Variants in NOL8 observed in about 807,000 individuals in gnomAD.
NOL8 encodes the protein nucleolar protein 8, also known as nucleolar protein Nop132.
NOL8 carries 93 observed loss-of-function variants against 116.1 expected under a neutral mutation model. The ratio of observed to expected loss-of-function variants is 0.80; its 90% CI spans 0.68 to 0.95. The LOEUF (loss-of-function observed/expected upper bound fraction) is 0.95, where lower values mean the gene tolerates loss of function less well. Among genes scored for constraint, NOL8 ranks in the 40% least tolerant of loss-of-function variants. The probability of loss-of-function intolerance (pLI) is 0.00; values close to 1 mark genes in which losing one functional copy is unlikely to be tolerated. For synonymous variants in NOL8, 419 were observed against 469.0 expected (o/e 0.89, Z 1.38); for missense variants, 1,291 against 1,382.8 (o/e 0.93, Z 1.05).
intron 3 of NOL8, 61 bp from the exon 4 acceptor site, chr9:92,321,807 T>G: frequency 1.2e-6 from 1 of 851,136 alleles, no homozygotes; most frequent in Non-Finnish European, 1.8e-6. Flanking sequence ...CAGCTTGTGC[T>G]TTTTCTAATT....
In NOL8 at chr9:92,311,188, T is replaced by C. The variant is rs750774882; in HGVS notation, c.2430A>G (p.Thr810=). The change falls in exon 8 of 17, where the codon ACA becomes ACG. Residue 810 remains threonine, a synonymous_variant. Transcript: ENST00000442668. ...CTGGATGGCTCTGCTCCTGAGTCGA[T>C]GTCTCCTCTGTTTCACATTCACTGT... ...GSDSECETEE[T]STQEQSHPGE... The C allele has an allele frequency of 1.9e-6, 3 of 1,613,780 alleles. No homozygotes were observed. Among genetic ancestry groups the C allele is most frequent in the East Asian group, 4.5e-5 (2 of 44,884 alleles).
chr9:92,297,969 C>A, intron 16 of NOL8, 83 bp from the exon 17 acceptor site: 1 of 1,191,322 alleles, frequency 8.4e-7, no homozygotes, highest in South Asian at 1.4e-5. Flanking sequence ...AGGTTATTCT[C>A]ACTGTCAGGG....
Position 92,306,902 on chromosome 9 carries a change from C to T in NOL8, c.2809G>A (p.Ala937Thr). 6.2e-7 allele frequency: 1 copy of T among 1,612,604 alleles called. No individual in the cohort carries two copies. The highest frequency in any genetic ancestry group is 1.1e-5 in the South Asian group (1 of 90,752). ...LSNSTNRGSVAAKKFKDIIHY... is the reference protein window; with the variant it reads ...LSNSTNRGSVTAKKFKDIIHY... ...AAAACATACTTAAATTTCTTAGCAG[C>T]TACTGATCCTCTGTTTGTAGAATTG... The change falls in exon 11 of 17, where the codon GCT becomes ACT. Residue 937 changes from alanine (A) to threonine (T), a missense_variant. Physicochemically the swap from Ala to Thr is moderately conservative, Grantham distance 58. Transcript: ENST00000442668.
At chr9:92,302,645 C>T (rs1292660209) in intron 12 of NOL8, among the ~76,000 whole-genome samples, 4 of 152,150 alleles carry the variant, frequency 2.6e-5, no homozygotes, top group Non-Finnish European at 5.9e-5. Context: ...ATCATTTAAC[C>T]ACCATGTGGT....
chr9:92,310,146 G>A (rs748434589), intron 10 of NOL8, 25 bp downstream of exon 10: 5 of 1,529,360 alleles, frequency 3.3e-6, no homozygotes, highest in Non-Finnish European at 4.5e-6. Flanking sequence ...TATGACATCA[G>A]GACTCTGGAC....
At position 92,315,844 on chromosome 9, in the gene NOL8, A is replaced by C. The variant is rs1412000460; in HGVS notation, c.781T>G (p.Ser261Ala). ...QQAAQKRTCD[S>A]ITPSKSSPVP... ...GGAGATGATTTAGAAGGAGTAATGG[A>C]ATCACAAGTTCTTTTTTGTGCAGCC... is the stretch of plus-strand genomic sequence containing the variant. Residue 261 changes from serine to alanine, a missense_variant, in exon 7 of 17, where the codon TCC becomes GCC. Transcript: ENST00000442668. The C allele has an allele frequency of 3.1e-6, 5 of 1,613,810 alleles. No homozygotes were observed. The highest frequency in any genetic ancestry group is 4.2e-6 in the Non-Finnish European group (5 of 1,179,862).
rs1340522401 is a variant in NOL8, at chr9:92,306,789, C to T, written c.2825+97G>A. On this transcript the variant is annotated intron_variant, in intron 11 of 16. Transcript: ENST00000442668. ...TCTGATACATATTGCCAGCTGCCTC[C>T]CCAGGCCATTAAAAGAGACCTAGTT... 9.3e-6 allele frequency: 11 copies of T among 1,183,372 alleles called. No individual in the cohort carries two copies. In the East Asian group the frequency reaches 2.6e-4, roughly 28 times the overall value. 73.3% of individuals were successfully genotyped at this position (1,183,372 alleles called of 1,614,324 possible).
chr9:92,321,635 A>G, intron 4 of NOL8, 33 bp downstream of exon 4: 2 of 1,287,640 alleles, frequency 1.6e-6, no homozygotes, highest in Non-Finnish European at 2.1e-6. Flanking sequence ...TATAAAAAAA[A>G]TAGGGCTTAA....
chr9:92,317,045 C>T (rs1839476023), intron 6 of NOL8, among the ~76,000 whole-genome samples: 1 of 152,174 alleles, frequency 6.6e-6, no homozygotes, highest in South Asian at 2.1e-4. Context: ...TTCAACCTTC[C>T]AGGCTCAAGT....
chr9:92,316,374 G>C (rs962784135), intron 6 of NOL8, among the ~76,000 whole-genome samples: 5 of 152,130 alleles, frequency 3.3e-5, no homozygotes, highest in African/African-American at 1.2e-4. Context: ...GAAATTACTT[G>C]GAGTGTATGT....
chr9:92,321,526 G>T, intron 4 of NOL8, 142 bp downstream of exon 4: 1 of 589,144 alleles, frequency 1.7e-6, no homozygotes, highest in Non-Finnish European at 2.9e-6. Flanking sequence ...GGGATTCAGA[G>T]TTGAAAGGGA....
In NOL8 at chr9:92,315,969, T is replaced by C; in HGVS notation, c.656A>G (p.Lys219Arg). 1 of 1,613,932 alleles carries C rather than the reference T, an allele frequency of 6.2e-7. No homozygotes were observed. Among genetic ancestry groups the C allele is most frequent in the Non-Finnish European group, 8.5e-7 (1 of 1,179,874 alleles). Residue 219 changes from lysine (K) to arginine (R), a missense_variant, in exon 7 of 17, where the codon AAG becomes AGG. Physicochemically the swap from Lys to Arg is conservative, Grantham distance 26 (BLOSUM62 2). Coordinates refer to ENST00000442668, the MANE Select transcript of NOL8 (RefSeq NM_017948.6). ...CTCATCCTTCTGCACTTTTATTATC[T>C]TCTTGGGAGGGCCATGAAAGTCAGA... ...EFSDFHGPPKKIIKVQKDESS... is the reference protein window; with the variant it reads ...EFSDFHGPPKRIIKVQKDESS...
chr9:92,323,719 G>A (rs1026960849), intron 2 of NOL8, among the ~76,000 whole-genome samples: 3 of 151,908 alleles, frequency 2.0e-5, no homozygotes, highest in African/African-American at 7.3e-5. Context: ...GTCAGATAAG[G>A]AAACATTTTG....
At chr9:92,310,842 G>T in intron 8 of NOL8, 167 bp from the exon 9 acceptor site, 1 of 693,152 alleles carries the variant, frequency 1.4e-6, no homozygotes, top group Non-Finnish European at 2.3e-6. Context: ...AATCTAACTG[G>T]CCTCTGGGAT....
chr9:92,323,207 T>C (rs995484035), intron 3 of NOL8: 30 of 1,166,578 alleles, frequency 2.6e-5, no homozygotes, highest in Non-Finnish European at 3.0e-5. Context: ...TCCAAAATAT[T>C]TGAGAATAGC....
chr9:92,315,864 G>A lies in NOL8; in HGVS notation c.761C>T (p.Ala254Val). 6.2e-7 allele frequency: 1 copy of A among 1,613,902 alleles called. No homozygotes were observed. The highest frequency in any genetic ancestry group is 8.5e-7 in the Non-Finnish European group (1 of 1,179,862). The part of the protein sequence containing the change: ...ERPPLTQQQA[A>V]QKRTCDSITP... The stretch of plus-strand genomic sequence containing the variant: ...AATGGAATCACAAGTTCTTTTTTGT[G>A]CAGCCTGTTGCTGTGTTAAGGGTGG... The change falls in exon 7 of 17, where the codon GCA becomes GTA. Residue 254 changes from alanine (A) to valine (V), a missense_variant. Transcript: ENST00000442668.
rs768446740 is a variant in NOL8 at position 92,310,207 on chromosome 9, G to T, written c.2650C>A (p.Arg884=). 2.5e-6 allele frequency: 4 copies of T among 1,609,964 alleles called. No homozygotes were observed. Among genetic ancestry groups the T allele is most frequent in the Non-Finnish European group, 3.4e-6 (4 of 1,178,230 alleles). ...TCTTCACTGTCAGTTTCTAGAAATCGAGAGTCCATGCGGAATCTGTCATCG... is the reference window on the plus strand; with the variant it reads ...TCTTCACTGTCAGTTTCTAGAAATCTAGAGTCCATGCGGAATCTGTCATCG... ...GTDDRFRMDS[R]FLETDSEEEQ... is the part of the protein sequence containing the mutation. The change falls in exon 10 of 17, where the codon CGA becomes AGA. Residue 884 remains arginine (R), a synonymous_variant. Coordinates refer to ENST00000442668, the MANE Select transcript of NOL8 (RefSeq NM_017948.6).
chr9:92,314,992 C>A lies in NOL8; in HGVS notation c.1633G>T (p.Val545Leu). The A allele has an allele frequency of 6.2e-7, 1 of 1,614,022 alleles. No individual in the cohort carries two copies. The highest frequency in any genetic ancestry group is 8.5e-7 in the Non-Finnish European group (1 of 1,179,894). ...TCCTCTCCTTCTAACAGGGAAGCCACAATCTCCGCAGGACGAATACACTGT... is the reference window on the plus strand; with the variant it reads ...TCCTCTCCTTCTAACAGGGAAGCCAAAATCTCCGCAGGACGAATACACTGT... ...GRQCIRPAEI[V>L]ASLLEGEENT... The change falls in exon 7 of 17, where the codon GTG (valine) becomes TTG (leucine). Residue 545 changes from valine to leucine, a missense_variant. Coordinates refer to ENST00000442668, the MANE Select transcript of NOL8 (RefSeq NM_017948.6).
chr9:92,320,777 T>C (rs1025840257), intron 4 of NOL8, among the ~76,000 whole-genome samples: 3 of 152,250 alleles, frequency 2.0e-5, no homozygotes, highest in Non-Finnish European at 4.4e-5. Context: ...CAGCTAATTT[T>C]TGTATTTTTA....
Sources: gnomAD v4.1 joint callset for allele counts (sites outside exome capture counted in the v4.1 genomes callset) on GRCh38, gnomAD v4.1.1 for gene constraint, MANE v1.5 for transcripts, NCBI Gene and HGNC (gene_info 2026-07-23, HGNC 2026-07-21) for gene names.